The following CDKL3 variants were observed in gnomAD, a reference collection of about 807,000 sequenced individuals.
The protein encoded by CDKL3 is cyclin-dependent kinase-like 3.
Under a neutral mutation model 69.3 loss-of-function variants are expected in CDKL3, and 65 were observed. The ratio of observed to expected loss-of-function variants is 0.94; its 90% CI spans 0.77 to 1.15. The LOEUF is 1.15. CDKL3 is among the 50% of genes most tolerant of loss of function. The pLI is 0.00. For synonymous variants in CDKL3, 202 were observed against 221.6 expected, an observed-to-expected ratio of 0.91 and a Z score of 0.79; for missense variants, 652 against 689.2, an observed-to-expected ratio of 0.95 and a Z score of 0.61.
rs145820653 is a variant in CDKL3, at chr5:134,354,167, C to G, written c.361-3740G>C. On this transcript the variant is annotated intron_variant, in intron 3 of 12. Coordinates refer to ENST00000265334, the MANE Select transcript of CDKL3 (RefSeq NM_001113575.2). The stretch of plus-strand genomic sequence containing the variant: ...TTCCCCCTTCATAGCATCTGTCATG[C>G]AGTACTGTTGTCTGTTTACTTGTCT... Among the ~76,000 whole-genome samples, 9 of 152,286 alleles carry G rather than the reference C, an allele frequency of 5.9e-5. No individual in the cohort carries two copies. The East Asian group carries it at 1.7e-3, about 29-fold the overall frequency.
intron 4 of CDKL3, among the ~76,000 whole-genome samples, chr5:134,347,598 G>C (rs761779741): frequency 6.6e-6 from 1 of 151,234 alleles, no homozygotes; most frequent in African/African-American, 2.4e-5. Flanking sequence ...GGCTGGGCAC[G>C]GTGGCTCATG....
At chr5:134,325,484 T>C (rs1036731553) in intron 4 of CDKL3, among the ~76,000 whole-genome samples, 16 of 152,178 alleles carry the variant, frequency 1.1e-4, no homozygotes, top group Non-Finnish European at 2.2e-4. Flanking sequence ...TTTGGATCTT[T>C]TGGTGAATAC....
chr5:134,322,288 A>G (rs1773000377), intron 4 of CDKL3, among the ~76,000 whole-genome samples: 1 of 152,200 alleles, frequency 6.6e-6, no homozygotes, highest in African/African-American at 2.4e-5. Context: ...CTGGGATTAC[A>G]GGTGTGAGCC....
At chr5:134,301,000 A>ATTT (rs755292672) in intron 12 of CDKL3, among the ~76,000 whole-genome samples, 1 of 146,208 alleles carries the variant, frequency 6.8e-6, no homozygotes, top group Non-Finnish European at 1.5e-5. Context: ...CTATTAATGG[A>ATTT]TTTTTTTTTT....
chr5:134,367,889 A>G (rs1757832384), upstream of CDKL3, among the ~76,000 whole-genome samples: 1 of 150,126 alleles, frequency 6.7e-6, no homozygotes. Flanking sequence ...AAGTAGACAT[A>G]GAGTTCAACT....
At chr5:134,310,864 C>A (rs537182939) in intron 7 of CDKL3, among the ~76,000 whole-genome samples, 5 of 152,316 alleles carry the variant, frequency 3.3e-5, no homozygotes, top group Admixed American at 6.5e-5. Context: ...TAGTCACCCT[C>A]AAGGATTCTC....
At chr5:134,364,870 G>T (rs1757026785) in intron 2 of CDKL3, among the ~76,000 whole-genome samples, 1 of 150,222 alleles carries the variant, frequency 6.7e-6, no homozygotes, top group Non-Finnish European at 1.5e-5. Flanking sequence ...GCAGTGGCGT[G>T]ATCTCGGCTC....
At chr5:134,336,760 C>T (rs557161785) in intron 4 of CDKL3, among the ~76,000 whole-genome samples, 4 of 152,146 alleles carry the variant, frequency 2.6e-5, no homozygotes, top group Non-Finnish European at 4.4e-5. Flanking sequence ...TGGGAGGTGT[C>T]GCCCAGTCAG....
intron 5 of CDKL3, among the ~76,000 whole-genome samples, chr5:134,319,756 A>G (rs780085606): frequency 1.3e-5 from 2 of 152,228 alleles, no homozygotes; most frequent in African/African-American, 4.8e-5. Context: ...TTCCCAAACT[A>G]TAAGACATAA....
At chr5:134,345,072 A>T (rs1427507753) in intron 4 of CDKL3, among the ~76,000 whole-genome samples, 1 of 152,116 alleles carries the variant, frequency 6.6e-6, no homozygotes, top group Non-Finnish European at 1.5e-5. Flanking sequence ...CTCAAAAAAA[A>T]TAAAATAAAT....
chr5:134,327,851 C>T (rs1774792069), intron 4 of CDKL3, among the ~76,000 whole-genome samples: 1 of 152,090 alleles, frequency 6.6e-6, no homozygotes, highest in South Asian at 2.1e-4. Context: ...GGAAGATAAA[C>T]CTATCAATAC....
chr5:134,340,279 A>T (rs1750151341), intron 4 of CDKL3, among the ~76,000 whole-genome samples: 1 of 152,240 alleles, frequency 6.6e-6, no homozygotes, highest in African/African-American at 2.4e-5. Flanking sequence ...ATGAAGAAAG[A>T]TATCAAATCA....
At chr5:134,344,043 T>C (rs1751201705) in intron 4 of CDKL3, among the ~76,000 whole-genome samples, 1 of 152,106 alleles carries the variant, frequency 6.6e-6, no homozygotes, top group Non-Finnish European at 1.5e-5. Context: ...AACACCATAA[T>C]GGGGAAAGAA....
chr5:134,318,232 A>G (rs931762490), intron 6 of CDKL3, among the ~76,000 whole-genome samples: 4 of 151,714 alleles, frequency 2.6e-5, no homozygotes, highest in Non-Finnish European at 2.9e-5. Context: ...AAAAAAAACA[A>G]AAACAAAAGC....
At chr5:134,328,839 G>C (rs1011123379) in intron 4 of CDKL3, among the ~76,000 whole-genome samples, 2 of 152,166 alleles carry the variant, frequency 1.3e-5, no homozygotes, top group African/African-American at 2.4e-5. Context: ...CCAGTAGATA[G>C]TGGTACAACA....
chr5:134,353,583 C>T (rs994899155), intron 3 of CDKL3, among the ~76,000 whole-genome samples: 1 of 146,606 alleles, frequency 6.8e-6, no homozygotes. Flanking sequence ...GACAGAGTCT[C>T]GCTTTGTCAC....
upstream of CDKL3, chr5:134,371,379 C>G: frequency 1.5e-6 from 1 of 669,860 alleles, no homozygotes; most frequent in Non-Finnish European, 2.5e-6. Context: ...GTCCCGCCCC[C>G]TCCTCCCCCA....
intron 5 of CDKL3, 71 bp from the exon 6 acceptor site, chr5:134,319,568 T>C: frequency 2.4e-6 from 3 of 1,275,494 alleles, no homozygotes; most frequent in East Asian, 5.3e-5. Flanking sequence ...CAAATTGCTA[T>C]GTCATCTATG....
rs189060996 is a variant in CDKL3 at position 134,356,307 on chromosome 5, C to T, written c.360+3590G>A. On this transcript the variant is annotated intron_variant, in intron 3 of 12. Coordinates refer to ENST00000265334, the MANE Select transcript of CDKL3 (RefSeq NM_001113575.2). Reference sequence around the variant, plus strand: ...GGCAGAGCTCAGGTGGTAATGCGAGCAATGCAAAGTGGCTGTAAATACAGA... The same window carrying T: ...GGCAGAGCTCAGGTGGTAATGCGAGTAATGCAAAGTGGCTGTAAATACAGA... Among the ~76,000 whole-genome samples, 4 of 152,284 alleles carry T rather than the reference C, an allele frequency of 2.6e-5. No individual in the cohort carries two copies. In the East Asian group the frequency reaches 7.7e-4, roughly 29 times the overall value.
Sources: gnomAD v4.1 joint callset for allele counts (sites outside exome capture counted in the v4.1 genomes callset) on GRCh38, gnomAD v4.1.1 for gene constraint, MANE v1.5 for transcripts, NCBI Gene and HGNC (gene_info 2026-07-23, HGNC 2026-07-21) for gene names.